RARB: variants seen among roughly 807,000 people sequenced by gnomAD.
The protein encoded by RARB is retinoic acid receptor beta.
A neutral mutation model predicts 51.9 loss-of-function variants in RARB; 17 were observed. That is an observed-to-expected ratio of 0.33 (90% CI 0.22 to 0.49). The LOEUF is 0.49. Ranked by LOEUF, RARB falls within the 20% of genes least tolerant of loss-of-function variation. RARB has a pLI of 0.99. For missense variants in RARB, 369 were observed against 550.8 expected (o/e 0.67, Z 3.30); for synonymous variants, 215 against 195.4 (o/e 1.10, Z -0.84).
chr3:25,279,468 C>T (rs1264254374), intron 5 of RARB, among the ~76,000 whole-genome samples: 1 of 151,672 alleles, frequency 6.6e-6, no homozygotes, highest in African/African-American at 2.4e-5. Flanking sequence ...TCAGATGCTT[C>T]TAGGGAAAGA....
chr3:24,976,011 C>T (rs1237887788), intron 2 of RARB, among the ~76,000 whole-genome samples: 1 of 152,178 alleles, frequency 6.6e-6, no homozygotes, highest in Non-Finnish European at 1.5e-5. Flanking sequence ...TGAGTGAGAA[C>T]ATGCGGTGTT....
chr3:24,993,412 T>C (rs1696955116), intron 2 of RARB, among the ~76,000 whole-genome samples: 1 of 152,188 alleles, frequency 6.6e-6, no homozygotes, highest in Non-Finnish European at 1.5e-5. Context: ...TCAAAGTCTT[T>C]TTTTTAATTT....
intron 5 of RARB, among the ~76,000 whole-genome samples, chr3:25,213,853 G>T: frequency 6.6e-6 from 1 of 152,184 alleles, no homozygotes. Flanking sequence ...GGACTCTTAT[G>T]ATAAGTTTCT....
chr3:24,925,379 AAGCCTGTAATCCC>A (rs1162505735), intron 2 of RARB, among the ~76,000 whole-genome samples: 3 of 152,050 alleles, frequency 2.0e-5, no homozygotes, highest in Non-Finnish European at 2.9e-5. Flanking sequence ...ATGGTGGCTC[AAGCCTGTAATCCC>A]AGCACTTTGG....
intron 3 of RARB, among the ~76,000 whole-genome samples, chr3:25,104,413 G>T (rs536727585): frequency 6.6e-6 from 1 of 152,252 alleles, no homozygotes; most frequent in East Asian, 1.9e-4. Context: ...AGGGAGAGCG[G>T]TGCAGATTGC....
At chr3:24,853,477 TTTCAG>T (rs1204341268) in intron 1 of RARB, among the ~76,000 whole-genome samples, 3 of 152,188 alleles carry the variant, frequency 2.0e-5, no homozygotes. Flanking sequence ...GCTTCAGCTT[TTTCAG>T]TTCAGTAGAG....
At chr3:25,232,710 T>C (rs563189808) in intron 5 of RARB, among the ~76,000 whole-genome samples, 1 of 152,124 alleles carries the variant, frequency 6.6e-6, no homozygotes, top group African/African-American at 2.4e-5. Flanking sequence ...CAACTTACAA[T>C]TATTCAACTT....
intron 5 of RARB, among the ~76,000 whole-genome samples, chr3:25,366,095 C>T (rs1706110794): frequency 6.6e-6 from 1 of 152,200 alleles, no homozygotes; most frequent in Non-Finnish European, 1.5e-5. Flanking sequence ...CACAACTAGA[C>T]TTGCCATTCG....
intron 2 of RARB, among the ~76,000 whole-genome samples, chr3:24,919,176 A>T (rs6787744): frequency 0.04 from 6,073 of 152,282 alleles, 392 homozygotes; most frequent in African/African-American, 0.14. Context: ...TCCTACTACT[A>T]TGATAATAAT....
At chr3:25,192,845 A>T (rs1405309947) in intron 5 of RARB, among the ~76,000 whole-genome samples, 2 of 152,006 alleles carry the variant, frequency 1.3e-5, no homozygotes, top group Non-Finnish European at 2.9e-5. Context: ...CTGGCATAGT[A>T]TCTAGTCCCT....
intron 2 of RARB, among the ~76,000 whole-genome samples, chr3:24,947,352 ATT>A (rs1440675658): frequency 3.3e-5 from 5 of 152,230 alleles, no homozygotes; most frequent in Non-Finnish European, 5.9e-5. Context: ...ACAGATGCAC[ATT>A]TTATAGCAAA....
At chr3:25,013,302 T>C (rs1697437102) in intron 2 of RARB, among the ~76,000 whole-genome samples, 1 of 152,128 alleles carries the variant, frequency 6.6e-6, no homozygotes, top group Non-Finnish European at 1.5e-5. Flanking sequence ...GGAACCACTT[T>C]TGGCTCCCTG....
intron 2 of RARB, among the ~76,000 whole-genome samples, chr3:25,012,571 A>T (rs1193899329): frequency 6.6e-6 from 1 of 152,138 alleles, no homozygotes; most frequent in Non-Finnish European, 1.5e-5. Flanking sequence ...TTACACATGC[A>T]AAAGGCCTGG....
intron 5 of RARB, among the ~76,000 whole-genome samples, chr3:25,398,998 T>A (rs78063933): frequency 0.014 from 2,069 of 152,028 alleles, 56 homozygotes; most frequent in African/African-American, 0.047. Context: ...GTCCCCAGAT[T>A]ACATGTGGCA....
At chr3:25,257,596 A>G (rs1290047869) in intron 5 of RARB, among the ~76,000 whole-genome samples, 1 of 151,844 alleles carries the variant, frequency 6.6e-6, no homozygotes, top group African/African-American at 2.4e-5. Context: ...TCATCAGGAG[A>G]TCTGTCTTGT....
chr3:24,846,163 T>C (rs1342161137), intron 1 of RARB, among the ~76,000 whole-genome samples: 1 of 152,238 alleles, frequency 6.6e-6, no homozygotes, highest in Non-Finnish European at 1.5e-5. Context: ...TTTTCATTAA[T>C]GTGCTGGCTC....
chr3:24,947,561 G>A (rs537884999), intron 2 of RARB, among the ~76,000 whole-genome samples: 1 of 152,274 alleles, frequency 6.6e-6, no homozygotes, highest in Non-Finnish European at 1.5e-5. Context: ...TTTTTATGGA[G>A]TTCCACGGGG....
chr3:25,261,441 C>T (rs1559336181), intron 5 of RARB, among the ~76,000 whole-genome samples: 1 of 152,016 alleles, frequency 6.6e-6, no homozygotes, highest in Non-Finnish European at 1.5e-5. Flanking sequence ...TGCTACTGTC[C>T]CCTGAGGTTC....
chr3:24,974,520 AG>A (rs1478961453), intron 2 of RARB, among the ~76,000 whole-genome samples: 7 of 152,120 alleles, frequency 4.6e-5, no homozygotes, highest in African/African-American at 1.7e-4. Flanking sequence ...CAACTGACTC[AG>A]CATAGGCCTC....
Sources: gnomAD v4.1 joint callset for allele counts (sites outside exome capture counted in the v4.1 genomes callset) on GRCh38, gnomAD v4.1.1 for gene constraint, MANE v1.5 for transcripts, NCBI Gene and HGNC (gene_info 2026-07-23, HGNC 2026-07-21) for gene names.